Variants in VPS13B observed in about 807,000 individuals in gnomAD.
The protein encoded by VPS13B is intermembrane lipid transfer protein VPS13B.
A neutral mutation model predicts 426.4 loss-of-function variants in VPS13B; 285 were observed. That is an observed-to-expected ratio of 0.67 (90% CI 0.61 to 0.74). VPS13B has a LOEUF of 0.74. VPS13B is among the 30% of genes least tolerant of loss of function. The pLI is 0.00. For synonymous variants in VPS13B, 1,676 were observed against 1,676.4 expected (o/e 1.00, Z 0.01); for missense variants, 4,537 against 4,782.6 (o/e 0.95, Z 1.51).
chr8:99,060,578 C>T (rs1844127336), intron 3 of VPS13B, among the ~76,000 whole-genome samples: 1 of 150,650 alleles, frequency 6.6e-6, no homozygotes, highest in African/African-American at 2.4e-5. Context: ...TACTGCACTC[C>T]AGCTTGGGTG....
intron 25 of VPS13B, among the ~76,000 whole-genome samples, chr8:99,493,875 A>C (rs1206192202): frequency 1.3e-5 from 2 of 151,992 alleles, no homozygotes; most frequent in Non-Finnish European, 2.9e-5. Flanking sequence ...TAATTTAATA[A>C]TTTTAAAGAG....
At chr8:99,393,112 A>G (rs931554962) in intron 21 of VPS13B, among the ~76,000 whole-genome samples, 3 of 152,110 alleles carry the variant, frequency 2.0e-5, no homozygotes, top group Non-Finnish European at 2.9e-5. Context: ...ACATGCATGT[A>G]AACCATATAT....
At chr8:99,584,378 C>G (rs1007052782) in intron 33 of VPS13B, among the ~76,000 whole-genome samples, 1 of 152,130 alleles carries the variant, frequency 6.6e-6, no homozygotes, top group African/African-American at 2.4e-5. Flanking sequence ...TTTTCAGCCC[C>G]CATGATGTTT....
At chr8:99,574,712 C>G (rs1344188391) in intron 31 of VPS13B, among the ~76,000 whole-genome samples, 1 of 152,168 alleles carries the variant, frequency 6.6e-6, no homozygotes, top group African/African-American at 2.4e-5. Context: ...GTTTTGGTGT[C>G]AACTTGCCCT....
intron 17 of VPS13B, among the ~76,000 whole-genome samples, chr8:99,258,899 C>T (rs1418412330): frequency 6.6e-6 from 1 of 151,972 alleles, no homozygotes; most frequent in East Asian, 1.9e-4. Flanking sequence ...AGAGTTTTTA[C>T]TAGAGTAAAG....
chr8:99,800,549 CATTA>C (rs1436016348), intron 43 of VPS13B, among the ~76,000 whole-genome samples: 1 of 152,106 alleles, frequency 6.6e-6, no homozygotes, highest in Middle Eastern at 3.2e-3. Flanking sequence ...ACATCTTTCT[CATTA>C]AATCTTTTTG....
rs943648620 is a variant in VPS13B, at chr8:99,871,479, G to A, written c.11527G>A (p.Val3843Ile). 1 of 1,614,206 alleles carries A rather than the reference G, an allele frequency of 6.2e-7. No individual in the cohort carries two copies. ...KMLQSLGRPE[V>I]HMALDVVLVR... ...GCTTCAGTCTCTGGGCAGACCAGAA[G>A]TCCACATGGCCCTGGACGTGGTTCT... The change falls in exon 61 of 62, where the codon GTC (valine) becomes ATC (isoleucine). Residue 3843 changes from valine to isoleucine, a missense_variant. Physicochemically the swap from Val to Ile is conservative, Grantham distance 29. Around this residue, in one of 2 missense-constraint regions of VPS13B, gnomAD observed 4,311 missense variants for 4,474.3 expected, o/e 0.96. Coordinates refer to ENST00000357162, the MANE Select transcript of VPS13B (RefSeq NM_152564.5).
In VPS13B at chr8:99,355,889, CTTT is replaced by C. The variant is rs994383566; in HGVS notation, c.2825-28318_2825-28316del. 5.3e-5 allele frequency among the ~76,000 whole-genome samples: 8 copies of C among 152,000 alleles called. No individual in the cohort carries two copies. The East Asian group carries it at 1.4e-3, about 26-fold the overall frequency. On this transcript the variant is annotated intron_variant, in intron 19 of 61. Transcript: ENST00000357162. ...CTGATGTTTTCTTGTGTGTTTGCTTCTTTGTTTTATTTCTCTATTAACTACTAT... is the reference window on the plus strand; with the variant it reads ...CTGATGTTTTCTTGTGTGTTTGCTTCGTTTTATTTCTCTATTAACTACTAT...
chr8:99,722,175 A>T (rs1316604824), intron 39 of VPS13B, among the ~76,000 whole-genome samples: 1 of 152,168 alleles, frequency 6.6e-6, no homozygotes, highest in South Asian at 2.1e-4. Flanking sequence ...CACCTGTCAC[A>T]TTACCAACCT....
intron 19 of VPS13B, among the ~76,000 whole-genome samples, chr8:99,293,146 A>G (rs1423725520): frequency 6.7e-6 from 1 of 149,730 alleles, no homozygotes; most frequent in Non-Finnish European, 1.5e-5. Flanking sequence ...AAACTATACT[A>G]CAAGGCTACA....
chr8:99,577,468 T>A, intron 32 of VPS13B, 22 bp from the exon 33 acceptor site: 1 of 1,613,468 alleles, frequency 6.2e-7, no homozygotes, highest in Non-Finnish European at 8.5e-7. Flanking sequence ...TCTTTATCTG[T>A]ATTCTACCGT....
In VPS13B at chr8:99,258,177, AAAG is replaced by A. The variant is rs1381960511; in HGVS notation, c.2516-16020_2516-16018del. Among the ~76,000 whole-genome samples the A allele has an allele frequency of 2.6e-5, 4 of 151,896 alleles. No homozygotes were observed. In the South Asian group the frequency reaches 8.3e-4, roughly 32 times the overall value. On this transcript the variant is annotated intron_variant, in intron 17 of 61. Coordinates refer to ENST00000357162, the MANE Select transcript of VPS13B (RefSeq NM_152564.5). Reference sequence around the variant, plus strand: ...TTTTAACCAATAAATTTTAGAGAAAAAAGCACTCTAATATTGCATCACTTTGTA... The same window carrying A: ...TTTTAACCAATAAATTTTAGAGAAAACACTCTAATATTGCATCACTTTGTA...
intron 3 of VPS13B, among the ~76,000 whole-genome samples, chr8:99,069,536 GTATA>G (rs925555970): frequency 4.6e-5 from 7 of 152,168 alleles, no homozygotes; most frequent in African/African-American, 1.7e-4. Flanking sequence ...TAGGGTGTGT[GTATA>G]TATATGTGCA....
chr8:99,202,295 T>G (rs931091859), intron 17 of VPS13B, among the ~76,000 whole-genome samples: 68 of 152,212 alleles, frequency 4.5e-4, no homozygotes, highest in African/African-American at 1.6e-3. Flanking sequence ...GTGAAGAAAG[T>G]GTACATTTGT....
chr8:99,213,970 T>C (rs1187837404), intron 17 of VPS13B, among the ~76,000 whole-genome samples: 5 of 152,146 alleles, frequency 3.3e-5, no homozygotes, highest in Non-Finnish European at 5.9e-5. Flanking sequence ...CCCCCATAAG[T>C]ATTACCAGAC....
intron 17 of VPS13B, 89 bp from the exon 18 acceptor site, chr8:99,274,109 A>C: frequency 6.6e-7 from 1 of 1,520,152 alleles, no homozygotes; most frequent in East Asian, 2.3e-5. Flanking sequence ...AGACAGTTAG[A>C]GTATAATTAA....
At chr8:99,768,373 T>A (rs924893209) in intron 40 of VPS13B, among the ~76,000 whole-genome samples, 1 of 152,252 alleles carries the variant, frequency 6.6e-6, no homozygotes, top group Admixed American at 6.5e-5. Flanking sequence ...TTTGCCCATA[T>A]GTGTACACGC....
At chr8:99,391,735 A>T (rs549731413) in intron 21 of VPS13B, 31 bp downstream of exon 21, 1 of 1,609,566 alleles carries the variant, frequency 6.2e-7, no homozygotes, top group African/African-American at 1.3e-5. Flanking sequence ...AGGGACTATG[A>T]TTGTACTCTA....
At chr8:99,254,782 A>C (rs1817665527) in intron 17 of VPS13B, among the ~76,000 whole-genome samples, 1 of 152,018 alleles carries the variant, frequency 6.6e-6, no homozygotes, top group South Asian at 2.1e-4. Flanking sequence ...AGCTGGGATG[A>C]CAGGCACCCA....
Sources: allele counts gnomAD v4.1 joint callset (sites outside exome capture counted in the v4.1 genomes callset), GRCh38; gene constraint gnomAD v4.1.1; regional missense constraint gnomAD v4.1.1; transcripts MANE v1.5; gene names NCBI Gene and HGNC (gene_info 2026-07-23, HGNC 2026-07-21).